Variants in SLC1A1 observed in about 807,000 individuals in gnomAD.
The protein encoded by SLC1A1 is solute carrier family 1 member 1.
SLC1A1 carries 43 observed loss-of-function variants against 53.3 expected under a neutral mutation model. That is an observed-to-expected ratio of 0.81 (90% CI 0.63 to 1.04). The LOEUF is 1.04. Ranked by LOEUF, SLC1A1 falls within the 50% of genes least tolerant of loss-of-function variation. SLC1A1 has a pLI of 0.00. For missense variants in SLC1A1, 748 were observed against 664.9 expected, an observed-to-expected ratio of 1.12 and a Z score of -1.37; for synonymous variants, 307 against 243.2, an observed-to-expected ratio of 1.26 and a Z score of -2.44.
rs556618397 is a variant in SLC1A1, at chr9:4,552,569, G to A, written c.232+7862G>A. ...GGGGACTGGACTTGAGCCTGCAGGC[G>A]AGGGAAGCAATTCTAGCAGTGACTC... On this transcript the variant is annotated intron_variant, in intron 2 of 11. Coordinates refer to ENST00000262352, the MANE Select transcript of SLC1A1 (RefSeq NM_004170.6). 2.6e-5 allele frequency among the ~76,000 whole-genome samples: 4 copies of A among 152,166 alleles called. No homozygotes were observed. The South Asian group carries it at 6.2e-4, about 24-fold the overall frequency.
intron 1 of SLC1A1, among the ~76,000 whole-genome samples, chr9:4,507,123 A>C (rs899038173): frequency 1.3e-5 from 2 of 152,176 alleles, no homozygotes; most frequent in Admixed American, 6.5e-5. Context: ...AGTCCCAGCC[A>C]CTTGGGAGGT....
At chr9:4,530,032 G>C (rs560331360) in intron 1 of SLC1A1, among the ~76,000 whole-genome samples, 5 of 152,266 alleles carry the variant, frequency 3.3e-5, no homozygotes, top group African/African-American at 1.2e-4. Context: ...AGAGTAACTT[G>C]AATATTTAAG....
At chr9:4,560,925 G>A (rs1274646793) in intron 2 of SLC1A1, among the ~76,000 whole-genome samples, 1 of 150,906 alleles carries the variant, frequency 6.6e-6, no homozygotes, top group East Asian at 2.0e-4. Flanking sequence ...GAACCCAGGA[G>A]ATGGAGGTTG....
Position 4,565,918 on chromosome 9 carries a change from C to T in SLC1A1, c.441-129C>T, listed in dbSNP as rs147861693. 3.5e-3 allele frequency: 2,715 copies of T among 783,810 alleles called. 26 individuals are homozygous for T. The highest frequency in any genetic ancestry group is 0.02 in the African/African-American group (1,181 of 58,600). The allele number at this position is 783,810 out of a possible 1,614,324, so 48.6% of individuals were successfully genotyped here. A position where few individuals can be genotyped will look rare whatever the true frequency, so the allele number is the denominator to read the frequency against. ...GAAATCTCAATACAAGGAAGTATTA[C>T]GCAAAGCAGGGGCCAGAAGAGAAAC... On this transcript the variant is annotated intron_variant, in intron 4 of 11. Transcript: ENST00000262352.
intron 1 of SLC1A1, among the ~76,000 whole-genome samples, chr9:4,519,430 T>A (rs1258550872): frequency 2.6e-5 from 4 of 152,206 alleles, no homozygotes; most frequent in African/African-American, 9.6e-5. Context: ...TAAGTATGCA[T>A]GTGGTAGAAA....
chr9:4,531,590 C>T (rs906389077), intron 1 of SLC1A1, among the ~76,000 whole-genome samples: 2 of 152,176 alleles, frequency 1.3e-5, no homozygotes, highest in Non-Finnish European at 2.9e-5. Flanking sequence ...CACTGCCCCT[C>T]AAGGAGGCCT....
Position 4,572,309 on chromosome 9 carries a change from G to C in SLC1A1, c.688G>C (p.Gly230Arg). ...CTTTGGACTTGTCATTGGAAAAATGGGAGAAAAGGGACAAATTCTGGTGGA... is the reference window on the plus strand; with the variant it reads ...CTTTGGACTTGTCATTGGAAAAATGCGAGAAAAGGGACAAATTCTGGTGGA... ...LVFGLVIGKMGEKGQILVDFF... is the reference protein window; with the variant it reads ...LVFGLVIGKMREKGQILVDFF... Residue 230 changes from glycine (G) to arginine (R), a missense_variant, in exon 7 of 12, where the codon GGA becomes CGA. Coordinates refer to ENST00000262352, the MANE Select transcript of SLC1A1 (RefSeq NM_004170.6). 1.2e-6 allele frequency: 2 copies of C among 1,614,102 alleles called. No individual in the cohort carries two copies. Among genetic ancestry groups the C allele is most frequent in the Non-Finnish European group, 8.5e-7 (1 of 1,179,960 alleles).
chr9:4,518,512 G>A (rs1351998282), intron 1 of SLC1A1, among the ~76,000 whole-genome samples: 2 of 152,146 alleles, frequency 1.3e-5, no homozygotes, highest in Non-Finnish European at 1.5e-5. Flanking sequence ...GATTACACAC[G>A]TGGGCCACTG....
At chr9:4,572,779 G>T (rs1470902667) in intron 7 of SLC1A1, among the ~76,000 whole-genome samples, 3 of 151,992 alleles carry the variant, frequency 2.0e-5, no homozygotes, top group Non-Finnish European at 4.4e-5. Context: ...AAACTCCTAG[G>T]CTCAAGCAAT....
chr9:4,577,571 G>T (rs923923096), intron 10 of SLC1A1, among the ~76,000 whole-genome samples: 2 of 152,170 alleles, frequency 1.3e-5, no homozygotes, highest in African/African-American at 4.8e-5. Context: ...CGCCTCCAGG[G>T]TTCAAGCAAT....
chr9:4,533,179 G>C (rs898871327), intron 1 of SLC1A1, among the ~76,000 whole-genome samples: 6 of 152,072 alleles, frequency 3.9e-5, no homozygotes, highest in African/African-American at 7.2e-5. Flanking sequence ...AACCAGCTAA[G>C]ATCATAATGG....
intron 1 of SLC1A1, among the ~76,000 whole-genome samples, chr9:4,540,015 T>C (rs1190331453): frequency 6.6e-6 from 1 of 152,200 alleles, no homozygotes; most frequent in Non-Finnish European, 1.5e-5. Flanking sequence ...ACATACATTC[T>C]TGTTTTCCTG....
At chr9:4,513,519 T>C (rs1368671539) in intron 1 of SLC1A1, among the ~76,000 whole-genome samples, 1 of 152,150 alleles carries the variant, frequency 6.6e-6, no homozygotes, top group Non-Finnish European at 1.5e-5. Context: ...AGTAAATACC[T>C]ATTAGAGTGG....
chr9:4,528,189 C>A (rs146721366), intron 1 of SLC1A1, among the ~76,000 whole-genome samples: 1 of 152,120 alleles, frequency 6.6e-6, no homozygotes, highest in Non-Finnish European at 1.5e-5. Context: ...AGGAACAAGA[C>A]ACAAAACTGT....
intron 1 of SLC1A1, among the ~76,000 whole-genome samples, chr9:4,513,952 A>C (rs1301350775): frequency 1.3e-5 from 2 of 152,236 alleles, no homozygotes; most frequent in Non-Finnish European, 2.9e-5. Context: ...ACTTACATAG[A>C]ATATGATTCC....
In SLC1A1 at chr9:4,585,492, T is replaced by C. The variant is rs1821509323; in HGVS notation, c.1509T>C (p.Tyr503=). The change falls in exon 12 of 12, where the codon TAT becomes TAC. Residue 503 remains tyrosine (Y), a synonymous_variant. Coordinates refer to ENST00000262352, the MANE Select transcript of SLC1A1 (RefSeq NM_004170.6). The part of the protein sequence containing the change: ...DNEDSDTKKS[Y]VNGGFAVDKS... ...AAGACTCAGACACCAAGAAGTCTTA[T>C]GTCAATGGAGGCTTTGCAGTAGACA... 2 of 1,614,216 alleles carry C rather than the reference T, an allele frequency of 1.2e-6. No homozygotes were observed. Among genetic ancestry groups the C allele is most frequent in the Non-Finnish European group, 1.7e-6 (2 of 1,180,030 alleles).
chr9:4,496,263 G>A (rs982344688), intron 1 of SLC1A1, among the ~76,000 whole-genome samples: 2 of 152,134 alleles, frequency 1.3e-5, no homozygotes, highest in African/African-American at 4.8e-5. Flanking sequence ...GTCTGAGGAG[G>A]AAGTTCAACA....
intron 1 of SLC1A1, among the ~76,000 whole-genome samples, chr9:4,515,060 C>A (rs2130820142): frequency 6.6e-6 from 1 of 151,998 alleles, no homozygotes; most frequent in Middle Eastern, 3.4e-3. Flanking sequence ...CCAACCCCCA[C>A]CCCCACTATA....
At chr9:4,511,473 C>A (rs1181979974) in intron 1 of SLC1A1, among the ~76,000 whole-genome samples, 1 of 151,740 alleles carries the variant, frequency 6.6e-6, no homozygotes, top group Non-Finnish European at 1.5e-5. Context: ...GATTAGGTTT[C>A]AAAATATGAA....
Sources: gnomAD v4.1 joint callset for allele counts (sites outside exome capture counted in the v4.1 genomes callset) on GRCh38, gnomAD v4.1.1 for gene constraint, MANE v1.5 for transcripts, NCBI Gene and HGNC (gene_info 2026-07-23, HGNC 2026-07-21) for gene names.